RAD51B: variants seen among roughly 807,000 people sequenced by gnomAD.
The protein encoded by RAD51B is DNA repair protein RAD51 homolog 2.
A neutral mutation model predicts 42.2 loss-of-function variants in RAD51B; 38 were observed. The observed-to-expected ratio is 0.90, with a 90% CI of 0.70 to 1.18. RAD51B has a LOEUF of 1.18. RAD51B is among the 50% of genes most tolerant of loss of function. The probability of loss-of-function intolerance (pLI) is 0.00; values close to 1 mark genes in which losing one functional copy is unlikely to be tolerated. For missense variants in RAD51B, 373 were observed against 400.7 expected (o/e 0.93, Z 0.59); for synonymous variants, 154 against 145.2 (o/e 1.06, Z -0.43).
At chr14:68,039,048 A>G (rs958924045) in intron 7 of RAD51B, among the ~76,000 whole-genome samples, 35 of 152,284 alleles carry the variant, frequency 2.3e-4, no homozygotes, top group African/African-American at 8.2e-4. Context: ...ATCAGCAAAC[A>G]CAACCAATCA....
intron 7 of RAD51B, among the ~76,000 whole-genome samples, chr14:67,945,295 A>G (rs908956653): frequency 6.6e-6 from 1 of 152,184 alleles, no homozygotes; most frequent in Non-Finnish European, 1.5e-5. Context: ...ATTTGGTGAG[A>G]TCTTTTAGAG....
chr14:68,344,859 A>G (rs2082643828), intron 8 of RAD51B, among the ~76,000 whole-genome samples: 1 of 146,654 alleles, frequency 6.8e-6, no homozygotes, highest in Non-Finnish European at 1.5e-5. Flanking sequence ...AGGCAGGAGA[A>G]TGGCGTGAAC....
intron 8 of RAD51B, among the ~76,000 whole-genome samples, chr14:68,383,270 C>T (rs915669102): frequency 6.6e-6 from 1 of 152,158 alleles, no homozygotes; most frequent in Non-Finnish European, 1.5e-5. Flanking sequence ...ACCATGTGTA[C>T]CAGTGTACCA....
chr14:68,004,912 G>A (rs534928903), intron 7 of RAD51B, among the ~76,000 whole-genome samples: 1 of 152,018 alleles, frequency 6.6e-6, no homozygotes, highest in South Asian at 2.1e-4. Context: ...GTATTTGTGA[G>A]ATTCATCATG....
At chr14:68,105,166 A>T (rs1413368066) in intron 7 of RAD51B, among the ~76,000 whole-genome samples, 1 of 150,412 alleles carries the variant, frequency 6.6e-6, no homozygotes, top group African/African-American at 2.4e-5. Flanking sequence ...CTATTCGGAG[A>T]TAGCAATATC....
At chr14:68,648,674 AACACACACACACACACACACACAC>A (rs35200852) in intron 10 of RAD51B, among the ~76,000 whole-genome samples, 2 of 143,612 alleles carry the variant, frequency 1.4e-5, no homozygotes, top group Non-Finnish European at 3.0e-5. Context: ...AAAGCACACA[AACACACACACACACACACACACAC>A]ACACACACAC....
intron 8 of RAD51B, among the ~76,000 whole-genome samples, chr14:68,377,478 T>G (rs1188085271): frequency 6.6e-6 from 1 of 152,184 alleles, no homozygotes; most frequent in Non-Finnish European, 1.5e-5. Flanking sequence ...TTCCACCCAG[T>G]GTTTCTTTGT....
At chr14:68,274,419 G>C (rs1475589011) in intron 7 of RAD51B, among the ~76,000 whole-genome samples, 1 of 151,716 alleles carries the variant, frequency 6.6e-6, no homozygotes, top group Admixed American at 6.6e-5. Context: ...AATCGATAAG[G>C]GCATATGAAA....
At chr14:68,190,099 T>C (rs2079234679) in intron 7 of RAD51B, among the ~76,000 whole-genome samples, 1 of 152,248 alleles carries the variant, frequency 6.6e-6, no homozygotes, top group East Asian at 1.9e-4. Context: ...TAAAAGTTGC[T>C]GACATATTAA....
chr14:68,271,349 G>A (rs1353046914), intron 7 of RAD51B, among the ~76,000 whole-genome samples: 1 of 152,206 alleles, frequency 6.6e-6, no homozygotes, highest in Admixed American at 6.5e-5. Flanking sequence ...GTGTAGTGAT[G>A]AAAAGCTTGG....
intron 7 of RAD51B, among the ~76,000 whole-genome samples, chr14:68,262,491 C>A (rs2080910025): frequency 6.6e-6 from 1 of 152,156 alleles, no homozygotes; most frequent in Non-Finnish European, 1.5e-5. Context: ...TCCCCATGCC[C>A]CACTTAAGGT....
chr14:68,616,184 T>A (rs978540647), downstream of RAD51B, among the ~76,000 whole-genome samples: 2 of 152,184 alleles, frequency 1.3e-5, no homozygotes, highest in African/African-American at 4.8e-5. Context: ...TAATGAAAAA[T>A]TTTAATATTT....
intron 7 of RAD51B, among the ~76,000 whole-genome samples, chr14:67,897,709 G>C (rs1180799636): frequency 1.3e-5 from 2 of 151,656 alleles, no homozygotes; most frequent in African/African-American, 4.9e-5. Context: ...GAGTGCAATG[G>C]CGCCATCTCA....
chr14:68,489,739 A>T (rs1038384112), intron 10 of RAD51B, among the ~76,000 whole-genome samples: 2 of 152,238 alleles, frequency 1.3e-5, no homozygotes, highest in African/African-American at 4.8e-5. Flanking sequence ...CAGTAACTAG[A>T]ACCAGTCCTT....
At chr14:68,349,985 T>C (rs1225933224) in intron 8 of RAD51B, among the ~76,000 whole-genome samples, 2 of 152,258 alleles carry the variant, frequency 1.3e-5, no homozygotes, top group Non-Finnish European at 2.9e-5. Context: ...GCATACACGC[T>C]ATCGCACTGG....
In RAD51B at chr14:68,071,805, C is replaced by T. The variant is rs545550136; in HGVS notation, c.756+184601C>T. ...AATGAGTAAGGGAGGAGTCTCTTCT[C>T]CCCAGTTTTCTGGATAGGTTTAATA... is the stretch of plus-strand genomic sequence containing the variant. On this transcript the variant is annotated intron_variant, in intron 7 of 10. Transcript: ENST00000471583. 5.3e-5 allele frequency among the ~76,000 whole-genome samples: 8 copies of T among 151,612 alleles called. No individual in the cohort carries two copies. The East Asian group carries it at 1.6e-3, about 29-fold the overall frequency.
intron 8 of RAD51B, among the ~76,000 whole-genome samples, chr14:68,357,866 T>C (rs1215030641): frequency 1.3e-5 from 2 of 152,242 alleles, no homozygotes; most frequent in Non-Finnish European, 2.9e-5. Flanking sequence ...ATTTTCAACA[T>C]GCCTTCCTCA....
intron 7 of RAD51B, among the ~76,000 whole-genome samples, chr14:68,026,128 G>C (rs987475954): frequency 6.6e-6 from 1 of 152,102 alleles, no homozygotes; most frequent in Non-Finnish European, 1.5e-5. Flanking sequence ...GGAGCAAGTT[G>C]TGTAATTTCC....
chr14:68,196,523 A>G (rs758162410), intron 7 of RAD51B, among the ~76,000 whole-genome samples: 5 of 151,974 alleles, frequency 3.3e-5, no homozygotes, highest in Non-Finnish European at 5.9e-5. Context: ...TCCTTCCCCA[A>G]TCTTCACCTT....
Sources: allele counts gnomAD v4.1 joint callset (sites outside exome capture counted in the v4.1 genomes callset), GRCh38; gene constraint gnomAD v4.1.1; transcripts MANE v1.5; gene names NCBI Gene and HGNC (gene_info 2026-07-23, HGNC 2026-07-21).